NEK11: variants seen among roughly 807,000 people sequenced by gnomAD.
NEK11 encodes the protein serine/threonine-protein kinase Nek11.
NEK11 carries 72 observed loss-of-function variants against 80.7 expected under a neutral mutation model. That is an observed-to-expected ratio of 0.89 (90% CI 0.74 to 1.08). The LOEUF is 1.08. Among genes scored for constraint, NEK11 ranks in the 50% least tolerant of loss-of-function variants. The pLI, the probability that NEK11 is intolerant of heterozygous loss-of-function variation, is 0.00. For missense variants in NEK11, 764 were observed against 763.6 expected, an observed-to-expected ratio of 1.00 and a Z score of -0.01; for synonymous variants, 251 against 260.7, an observed-to-expected ratio of 0.96 and a Z score of 0.36.
chr3:131,200,054 A>G (rs1285436758), intron 14 of NEK11, among the ~76,000 whole-genome samples: 1 of 152,190 alleles, frequency 6.6e-6, no homozygotes, highest in Non-Finnish European at 1.5e-5. Context: ...ATAGCTTGAT[A>G]TATCATATTA....
At position 131,105,056 on chromosome 3, in the gene NEK11, C is replaced by G. The variant is rs2078981093; in HGVS notation, c.337-4747C>G. 2.0e-5 allele frequency among the ~76,000 whole-genome samples: 3 copies of G among 152,190 alleles called. No individual in the cohort carries two copies. In the South Asian group the frequency reaches 6.2e-4, roughly 31 times the overall value. On this transcript the variant is annotated intron_variant, in intron 4 of 17. Transcript: ENST00000383366. ...CCTCCTGTATGATCCACTTGAAGAT[C>G]TAGTGTTTACTTGCAGCTCTGCCTC...
intron 14 of NEK11, among the ~76,000 whole-genome samples, chr3:131,186,643 A>G (rs1327644375): frequency 6.6e-6 from 1 of 152,054 alleles, no homozygotes; most frequent in Non-Finnish European, 1.5e-5. Flanking sequence ...ATTTCCATCT[A>G]TTTTCTCTAA....
intron 17 of NEK11, among the ~76,000 whole-genome samples, chr3:131,340,964 G>A (rs923786375): frequency 3.9e-5 from 6 of 152,154 alleles, no homozygotes. Flanking sequence ...CTTTTTATTT[G>A]AGATACCCAG....
At position 131,312,164 on chromosome 3, in the gene NEK11, C is replaced by T. The variant is rs144077175; in HGVS notation, c.1719-37393C>T. Among the ~76,000 whole-genome samples, 7 of 152,286 alleles carry T rather than the reference C, an allele frequency of 4.6e-5. No individual in the cohort carries two copies. The South Asian group carries it at 6.2e-4, about 14-fold the overall frequency. ...TCATTGCCCTGAGATGTTAGGAGCA[C>T]GGTTCTTTAAGTCAGGGAGACTTGG... is the stretch of plus-strand genomic sequence containing the variant. On this transcript the variant is annotated intron_variant, in intron 17 of 17. Coordinates refer to ENST00000383366, the MANE Select transcript of NEK11 (RefSeq NM_024800.5).
chr3:131,068,495 A>C (rs1326973866), intron 3 of NEK11, among the ~76,000 whole-genome samples: 1 of 152,202 alleles, frequency 6.6e-6, no homozygotes, highest in Admixed American at 6.6e-5. Flanking sequence ...ACTTATTCTC[A>C]GATTCCAGAA....
intron 7 of NEK11, among the ~76,000 whole-genome samples, chr3:131,150,413 C>T (rs1167016543): frequency 6.6e-6 from 1 of 151,942 alleles, no homozygotes; most frequent in African/African-American, 2.4e-5. Flanking sequence ...CATACACACA[C>T]ACATGCACAT....
chr3:131,259,134 C>T (rs576974407), intron 16 of NEK11, among the ~76,000 whole-genome samples: 3 of 152,294 alleles, frequency 2.0e-5, no homozygotes, highest in Non-Finnish European at 4.4e-5. Context: ...GTCCTCTAAG[C>T]CAGCTCACAT....
At chr3:131,216,223 A>G (rs558264824) in intron 14 of NEK11, among the ~76,000 whole-genome samples, 4 of 152,332 alleles carry the variant, frequency 2.6e-5, no homozygotes, top group African/African-American at 9.6e-5. Flanking sequence ...CATCAGAAAA[A>G]TAAAGCTTCC....
intron 14 of NEK11, among the ~76,000 whole-genome samples, chr3:131,210,809 T>C (rs984700437): frequency 3.3e-5 from 5 of 152,200 alleles, no homozygotes. Context: ...TGCTTTTTTT[T>C]GTTTTCCATT....
At chr3:131,195,821 A>ATATATATAT (rs1553929128) in intron 14 of NEK11, among the ~76,000 whole-genome samples, 1 of 95,212 alleles carries the variant, frequency 1.1e-5, no homozygotes, top group East Asian at 4.7e-4. Context: ...TATATATATA[A>ATATATATAT]AATTGAAGAA....
chr3:131,106,471 A>T (rs146965932), intron 4 of NEK11, among the ~76,000 whole-genome samples: 1 of 152,126 alleles, frequency 6.6e-6, no homozygotes, highest in Admixed American at 6.5e-5. Flanking sequence ...TTTCTTGCTG[A>T]CAAGCTATGT....
chr3:131,143,498 C>T lies in NEK11; in HGVS notation c.648-8890C>T, dbSNP rs182355427. Among the ~76,000 whole-genome samples, 1,191 of 151,962 alleles carry T rather than the reference C, an allele frequency of 7.8e-3. 9 individuals carry two copies. The highest frequency in any genetic ancestry group is 0.012 in the Non-Finnish European group (841 of 67,946). On this transcript the variant is annotated intron_variant, in intron 7 of 17. Transcript: ENST00000383366. ...TTATTAAATTATAATAAATATTATT[C>T]ATGAGTTTTGAGTTTTGTTCTGTAG... is the stretch of plus-strand genomic sequence containing the variant.
chr3:131,278,986 G>T (rs1256887101), intron 17 of NEK11, among the ~76,000 whole-genome samples: 3 of 152,066 alleles, frequency 2.0e-5, no homozygotes, highest in Admixed American at 2.0e-4. Context: ...TTACCAGAAT[G>T]TGAGTTGGAA....
intron 16 of NEK11, among the ~76,000 whole-genome samples, chr3:131,253,202 G>T (rs1247466838): frequency 6.6e-6 from 1 of 152,124 alleles, no homozygotes; most frequent in Non-Finnish European, 1.5e-5. Flanking sequence ...ATCAGTGCAA[G>T]GTTTTGTGAA....
intron 14 of NEK11, among the ~76,000 whole-genome samples, chr3:131,198,625 A>G (rs140452393): frequency 0.014 from 2,159 of 152,296 alleles, 49 homozygotes; most frequent in African/African-American, 0.05. Context: ...ACTCTTTGCC[A>G]CTACATCAGT....
intron 14 of NEK11, among the ~76,000 whole-genome samples, chr3:131,182,673 T>C (rs1277972040): frequency 6.6e-6 from 1 of 152,250 alleles, no homozygotes. Context: ...TTCTTCTTAC[T>C]ATTGAAGATT....
intron 17 of NEK11, among the ~76,000 whole-genome samples, chr3:131,328,196 G>A (rs534188285): frequency 1.3e-5 from 2 of 152,038 alleles, no homozygotes; most frequent in South Asian, 2.1e-4. Flanking sequence ...AGACTGAGGT[G>A]GGAGGATCAC....
intron 3 of NEK11, among the ~76,000 whole-genome samples, chr3:131,032,939 A>T (rs2065090774): frequency 6.6e-6 from 1 of 152,208 alleles, no homozygotes; most frequent in Non-Finnish European, 1.5e-5. Flanking sequence ...CTTCTAATAA[A>T]TGGAAGGTTT....
intron 17 of NEK11, among the ~76,000 whole-genome samples, chr3:131,346,512 CTT>C (rs746780385): frequency 4.6e-5 from 7 of 152,036 alleles, no homozygotes; most frequent in Admixed American, 1.3e-4. Context: ...TAAATATTCT[CTT>C]GTTTGGGTAC....
Sources: gnomAD v4.1 joint callset for allele counts (sites outside exome capture counted in the v4.1 genomes callset) on GRCh38, gnomAD v4.1.1 for gene constraint, MANE v1.5 for transcripts, NCBI Gene and HGNC (gene_info 2026-07-23, HGNC 2026-07-21) for gene names.